LINGO2: variants seen among roughly 807,000 people sequenced by gnomAD.
LINGO2 encodes the protein leucine rich repeat and Ig domain containing 2.
A neutral mutation model predicts 30.6 loss-of-function variants in LINGO2; 14 were observed. That is an observed-to-expected ratio of 0.46 (90% CI 0.30 to 0.72). The LOEUF (loss-of-function observed/expected upper bound fraction) is 0.72. LINGO2 is among the 30% of genes least tolerant of loss of function. LINGO2 has a pLI of 0.07. For missense variants in LINGO2, 729 were observed against 751.7 expected (o/e 0.97, Z 0.35); for synonymous variants, 317 against 288.5 (o/e 1.10, Z -1.00).
the LINGO2 span, among the ~76,000 whole-genome samples, chr9:28,868,432 G>C: frequency 6.6e-6 from 1 of 151,980 alleles, no homozygotes; most frequent in Non-Finnish European, 1.5e-5. Context: ...CATGCATGTG[G>C]TTATGTGTGT....
At chr9:28,992,815 A>G in the LINGO2 span, among the ~76,000 whole-genome samples, 1 of 152,130 alleles carries the variant, frequency 6.6e-6, no homozygotes, top group Non-Finnish European at 1.5e-5. Context: ...TTTGAAACCA[A>G]CGAGAACGAA....
At chr9:28,351,952 C>A (rs1481032221) in intron 3 of LINGO2, among the ~76,000 whole-genome samples, 11 of 151,206 alleles carry the variant, frequency 7.3e-5, no homozygotes, top group African/African-American at 1.9e-4. Context: ...ATTCAACAAC[C>A]CTTCATGCTA....
the LINGO2 span, among the ~76,000 whole-genome samples, chr9:28,721,433 G>C: frequency 2.0e-4 from 31 of 152,104 alleles, no homozygotes; most frequent in Admixed American, 2.0e-3. Context: ...TGATAGACTG[G>C]ATAAAGAAAA....
chr9:28,211,683 C>T (rs1044314435), intron 4 of LINGO2, among the ~76,000 whole-genome samples: 1 of 151,472 alleles, frequency 6.6e-6, no homozygotes, highest in African/African-American at 2.4e-5. Context: ...ATTCTCAAGA[C>T]AGACCATTCA....
the LINGO2 span, among the ~76,000 whole-genome samples, chr9:29,153,668 C>T: frequency 1.2e-4 from 18 of 152,040 alleles, no homozygotes; most frequent in Non-Finnish European, 1.3e-4. Context: ...CCAACAAATA[C>T]AAGGAAAATT....
chr9:28,523,663 A>T (rs943934323), intron 1 of LINGO2, among the ~76,000 whole-genome samples: 3 of 152,208 alleles, frequency 2.0e-5, no homozygotes, highest in African/African-American at 7.2e-5. Flanking sequence ...AAATAAAATT[A>T]AGAAAATAAT....
intron 4 of LINGO2, among the ~76,000 whole-genome samples, chr9:28,036,854 A>G (rs969047422): frequency 6.6e-6 from 1 of 152,244 alleles, no homozygotes; most frequent in Non-Finnish European, 1.5e-5. Flanking sequence ...ATTTCTAGAC[A>G]CAGAAAATAT....
At chr9:28,671,673 G>T (rs141259887), upstream of LINGO2, among the ~76,000 whole-genome samples, 1 of 151,800 alleles carries the variant, frequency 6.6e-6, no homozygotes, top group Non-Finnish European at 1.5e-5. Flanking sequence ...AAAAAATTAC[G>T]TATCACGTAC....
chr9:28,982,477 G>T, the LINGO2 span, among the ~76,000 whole-genome samples: 1 of 150,132 alleles, frequency 6.7e-6, no homozygotes, highest in Non-Finnish European at 1.5e-5. Flanking sequence ...AAGTCCTATG[G>T]AGATTTGTCT....
chr9:28,409,620 G>GGTGT (rs150611305), intron 2 of LINGO2, among the ~76,000 whole-genome samples: 4,006 of 146,250 alleles, frequency 0.027, 53 homozygotes, highest in Admixed American at 0.055. Flanking sequence ...GATGTGCAGG[G>GGTGT]GTGTGTGTGT....
At chr9:28,311,357 G>A (rs1587444100) in intron 3 of LINGO2, among the ~76,000 whole-genome samples, 1 of 152,122 alleles carries the variant, frequency 6.6e-6, no homozygotes. Context: ...CTTATCAGGA[G>A]ACAGGGTTTG....
intron 5 of LINGO2, among the ~76,000 whole-genome samples, chr9:27,965,933 T>C (rs1820080158): frequency 2.6e-5 from 4 of 152,112 alleles, no homozygotes; most frequent in Admixed American, 2.6e-4. Context: ...TGCGCAACCG[T>C]CAAACTGTGT....
chr9:28,236,949 A>T (rs534765287), intron 4 of LINGO2, among the ~76,000 whole-genome samples: 1 of 152,174 alleles, frequency 6.6e-6, no homozygotes, highest in Non-Finnish European at 1.5e-5. Context: ...CCAATTTGTC[A>T]TCATGTGATT....
intron 3 of LINGO2, among the ~76,000 whole-genome samples, chr9:28,351,665 T>C (rs1217494206): frequency 6.0e-5 from 9 of 149,404 alleles, no homozygotes; most frequent in African/African-American, 2.2e-4. Flanking sequence ...CCAGCATCAT[T>C]CTGATACCAA....
intron 2 of LINGO2, among the ~76,000 whole-genome samples, chr9:28,441,561 C>T (rs1824199864): frequency 6.6e-6 from 1 of 152,056 alleles, no homozygotes; most frequent in East Asian, 1.9e-4. Flanking sequence ...TGGAACATCC[C>T]AGGTTTTTCT....
At chr9:28,629,416 T>C (rs1308233247) in intron 1 of LINGO2, among the ~76,000 whole-genome samples, 2 of 152,110 alleles carry the variant, frequency 1.3e-5, no homozygotes, top group African/African-American at 4.8e-5. Context: ...ACGATCCTCT[T>C]GTTTCCCCCA....
At chr9:28,342,368 C>A (rs1279501004) in intron 3 of LINGO2, among the ~76,000 whole-genome samples, 3 of 152,096 alleles carry the variant, frequency 2.0e-5, no homozygotes, top group Non-Finnish European at 4.4e-5. Flanking sequence ...AACAAACACG[C>A]AAACTTTATC....
chr9:28,223,695 CAG>C (rs1459360730), intron 4 of LINGO2, among the ~76,000 whole-genome samples: 8 of 152,062 alleles, frequency 5.3e-5, no homozygotes, highest in Admixed American at 5.2e-4. Context: ...GTTATGGAAA[CAG>C]AGAGTGGGAG....
the LINGO2 span, among the ~76,000 whole-genome samples, chr9:29,173,803 T>C: frequency 6.6e-6 from 1 of 152,080 alleles, no homozygotes; most frequent in South Asian, 2.1e-4. Context: ...TTAAAATTAA[T>C]TATAAATATG....
Sources: allele counts gnomAD v4.1 joint callset (sites outside exome capture counted in the v4.1 genomes callset), GRCh38; gene constraint gnomAD v4.1.1; transcripts MANE v1.5; gene names NCBI Gene and HGNC (gene_info 2026-07-23, HGNC 2026-07-21).